Variants in XKR4 observed in about 807,000 individuals in gnomAD.
XKR4 encodes the protein XK-related protein 4.
In XKR4, 12 loss-of-function variants were observed where a neutral mutation model predicts 53.9. That is an observed-to-expected ratio of 0.22 (90% CI 0.14 to 0.36). The LOEUF (loss-of-function observed/expected upper bound fraction) is 0.36, where lower values mean the gene tolerates loss of function less well. Among genes scored for constraint, XKR4 ranks in the 10% least tolerant of loss-of-function variants. The pLI is 1.00. For synonymous variants in XKR4, 354 were observed against 362.4 expected, an observed-to-expected ratio of 0.98 and a Z score of 0.26; for missense variants, 799 against 859.5, an observed-to-expected ratio of 0.93 and a Z score of 0.88.
At chr8:55,110,051 G>A (rs967728299) in intron 1 of XKR4, among the ~76,000 whole-genome samples, 1 of 152,124 alleles carries the variant, frequency 6.6e-6, no homozygotes, top group African/African-American at 2.4e-5. Context: ...TTAGAAATTT[G>A]TATGGAACAA....
intron 2 of XKR4, among the ~76,000 whole-genome samples, chr8:55,432,503 G>C (rs1805117716): frequency 1.3e-5 from 2 of 152,160 alleles, no homozygotes; most frequent in South Asian, 4.1e-4. Context: ...TCTTCCATTA[G>C]AAAAAGACAG....
At chr8:55,339,324 C>A (rs1803508825) in intron 1 of XKR4, among the ~76,000 whole-genome samples, 1 of 152,094 alleles carries the variant, frequency 6.6e-6, no homozygotes, top group Non-Finnish European at 1.5e-5. Context: ...CCTCATGGGT[C>A]AAAAAGAGTA....
chr8:55,164,153 C>A (rs1441419760), intron 1 of XKR4: 2 of 456,032 alleles, frequency 4.4e-6, no homozygotes, highest in Non-Finnish European at 8.8e-6. Context: ...GGAGTTTGCT[C>A]CAAGCGCCAC....
intron 1 of XKR4, among the ~76,000 whole-genome samples, chr8:55,355,917 C>T (rs1184222881): frequency 1.3e-5 from 2 of 152,174 alleles, no homozygotes. Flanking sequence ...TTCACAGACT[C>T]TAAAAGTAGG....
rs775874558 is a variant in XKR4, at chr8:55,103,077, G to A, written c.589G>A (p.Gly197Ser). Residue 197 changes from glycine to serine, a missense_variant, in exon 1 of 3, where the codon GGC becomes AGC. Coordinates refer to ENST00000327381, the MANE Select transcript of XKR4 (RefSeq NM_052898.2). ...QPGADCKTVV[G>S]GGSAAGEGEA... ...TGGAGCCGATTGCAAGACGGTGGTC[G>A]GCGGTGGGTCTGCAGCCGGGGAAGG... The A allele has an allele frequency of 6.2e-7, 1 of 1,612,834 alleles. No homozygotes were observed. Among genetic ancestry groups the A allele is most frequent in the Non-Finnish European group, 8.5e-7 (1 of 1,179,770 alleles).
chr8:55,215,623 T>A (rs1054948163), intron 1 of XKR4, among the ~76,000 whole-genome samples: 35 of 152,316 alleles, frequency 2.3e-4, no homozygotes, highest in African/African-American at 6.0e-4. Context: ...AAAAATCTGA[T>A]TTTTAGATTT....
chr8:55,330,181 C>T (rs1247591309), intron 1 of XKR4, among the ~76,000 whole-genome samples: 3 of 152,034 alleles, frequency 2.0e-5, no homozygotes, highest in Non-Finnish European at 2.9e-5. Flanking sequence ...CTACCAGAAC[C>T]AGTCTCAAAA....
At chr8:55,203,974 A>G (rs2129362604) in intron 1 of XKR4, among the ~76,000 whole-genome samples, 1 of 152,226 alleles carries the variant, frequency 6.6e-6, no homozygotes, top group East Asian at 1.9e-4. Context: ...CATAAAGTGA[A>G]TCCATAGTAG....
chr8:55,449,394 G>A (rs1240414336), intron 2 of XKR4: 7 of 623,558 alleles, frequency 1.1e-5, no homozygotes, highest in Non-Finnish European at 2.0e-5. Flanking sequence ...GGGGGCTCGG[G>A]GCCTCACTAC....
At chr8:55,504,163 T>A (rs964364076) in intron 2 of XKR4, among the ~76,000 whole-genome samples, 1 of 151,164 alleles carries the variant, frequency 6.6e-6, no homozygotes, top group Admixed American at 6.6e-5. Context: ...TGGTTTGTAG[T>A]TTTCTTTTTT....
intron 1 of XKR4, among the ~76,000 whole-genome samples, chr8:55,266,442 C>A (rs372147181): frequency 6.6e-6 from 1 of 151,948 alleles, no homozygotes. Flanking sequence ...ATTTAATCTG[C>A]GAAGAGGGTA....
chr8:55,354,966 TG>T, intron 1 of XKR4, among the ~76,000 whole-genome samples: 1 of 150,892 alleles, frequency 6.6e-6, no homozygotes, highest in Non-Finnish European at 1.5e-5. Context: ...CGCAATGACA[TG>T]ATCTCGGCTC....
At chr8:55,460,969 A>T (rs541478812) in intron 2 of XKR4, among the ~76,000 whole-genome samples, 1 of 152,238 alleles carries the variant, frequency 6.6e-6, no homozygotes, top group South Asian at 2.1e-4. Context: ...GAGTAGGTAA[A>T]CAAAGTGGCC....
At chr8:55,451,845 C>T (rs1805453142) in intron 2 of XKR4, 2 of 908,160 alleles carry the variant, frequency 2.2e-6, no homozygotes, top group South Asian at 1.4e-5. Context: ...TCATGCCGTC[C>T]GAGGGCTTCA....
chr8:55,394,676 C>T (rs1804490073), intron 2 of XKR4, among the ~76,000 whole-genome samples: 1 of 152,178 alleles, frequency 6.6e-6, no homozygotes, highest in Non-Finnish European at 1.5e-5. Context: ...CAAGTTTCAC[C>T]AGCTATTCCA....
At chr8:55,477,719 T>G (rs907885156) in intron 2 of XKR4, among the ~76,000 whole-genome samples, 2 of 152,060 alleles carry the variant, frequency 1.3e-5, no homozygotes, top group South Asian at 4.1e-4. Flanking sequence ...AAGGAGCTGA[T>G]GGAGCTGAAA....
rs1803839553 is a variant in XKR4 at position 55,357,687 on chromosome 8, C to T, written c.816C>T (p.His272=). The change falls in exon 2 of 3, where the codon CAC becomes CAT. Residue 272 remains histidine, a synonymous_variant. Transcript: ENST00000327381. The part of the protein sequence containing the change: ...LQLGQIWRYF[H]TIYLGIRSRQ... ...CATGTTTTCTTTCTAGATATTTCCA[C>T]ACAATATACTTAGGTATTCGAAGCC... 1 of 1,614,080 alleles carries T rather than the reference C, an allele frequency of 6.2e-7. No homozygotes were observed. The highest frequency in any genetic ancestry group is 8.5e-7 in the Non-Finnish European group (1 of 1,179,970).
chr8:55,103,322 G>C (rs758416593), intron 1 of XKR4, 28 bp downstream of exon 1: 3 of 1,561,226 alleles, frequency 1.9e-6, no homozygotes, highest in Non-Finnish European at 1.7e-6. Flanking sequence ...GGAAAAGGGA[G>C]GCTTGCTGCT....
intron 1 of XKR4, among the ~76,000 whole-genome samples, chr8:55,218,456 T>C (rs936544174): frequency 1.3e-5 from 2 of 152,226 alleles, no homozygotes; most frequent in African/African-American, 4.8e-5. Flanking sequence ...AGATACTGTC[T>C]AATATACATT....
Sources: allele counts gnomAD v4.1 joint callset (sites outside exome capture counted in the v4.1 genomes callset), GRCh38; gene constraint gnomAD v4.1.1; transcripts MANE v1.5; gene names NCBI Gene and HGNC (gene_info 2026-07-23, HGNC 2026-07-21).